ZZEF1: variants seen among roughly 807,000 people sequenced by gnomAD.
The protein encoded by ZZEF1 is zinc finger ZZ-type and EF-hand domain containing 1, also known as zinc finger ZZ-type and EF-hand domain-containing protein 1.
ZZEF1 carries 157 observed loss-of-function variants against 342.8 expected under a neutral mutation model. The observed-to-expected ratio is 0.46, with a 90% CI of 0.40 to 0.52. The LOEUF (loss-of-function observed/expected upper bound fraction) is 0.52, where lower values mean the gene tolerates loss of function less well. Ranked by LOEUF, ZZEF1 falls within the 20% of genes least tolerant of loss-of-function variation. ZZEF1 has a pLI of 0.00. For synonymous variants in ZZEF1, 1,505 were observed against 1,429.1 expected, an observed-to-expected ratio of 1.05 and a Z score of -1.20; for missense variants, 3,480 against 3,725.6, an observed-to-expected ratio of 0.93 and a Z score of 1.72.
At chr17:4,049,220 A>G (rs2056992329) in intron 37 of ZZEF1, among the ~76,000 whole-genome samples, 1 of 152,270 alleles carries the variant, frequency 6.6e-6, no homozygotes, top group East Asian at 1.9e-4. Context: ...TAGATGAGAA[A>G]ACTGAGGCAG....
intron 1 of ZZEF1, 26 bp from the exon 2 acceptor site, chr17:4,124,077 T>C: frequency 1.3e-6 from 2 of 1,585,412 alleles, no homozygotes; most frequent in Non-Finnish European, 1.7e-6. Flanking sequence ...TGCAAGAAAA[T>C]CAGGGCTGTT....
rs117428845 is a variant in ZZEF1 at position 4,118,680 on chromosome 17, G to C, written c.500-1514C>G. 4.2e-4 allele frequency among the ~76,000 whole-genome samples: 64 copies of C among 152,328 alleles called. No individual in the cohort carries two copies. In the East Asian group the frequency reaches 0.012, roughly 29 times the overall value. On this transcript the variant is annotated intron_variant, in intron 2 of 54. Transcript: ENST00000381638. ...GGAATGCACTGCCTCCAAAATCCAA[G>C]TTGGTCCACTAGGTGATGTACCTCT... is the stretch of plus-strand genomic sequence containing the variant.
At chr17:4,130,092 C>A (rs2058639605) in intron 1 of ZZEF1, among the ~76,000 whole-genome samples, 1 of 152,114 alleles carries the variant, frequency 6.6e-6, no homozygotes, top group Non-Finnish European at 1.5e-5. Flanking sequence ...GTACAACCAA[C>A]CCCCATGAGA....
At chr17:4,053,577 G>A (rs1223516115) in intron 34 of ZZEF1, among the ~76,000 whole-genome samples, 1 of 152,186 alleles carries the variant, frequency 6.6e-6, no homozygotes, top group Non-Finnish European at 1.5e-5. Flanking sequence ...CCTCCTGCTG[G>A]ACTGTAGATG....
chr17:4,082,426 G>T lies in ZZEF1; in HGVS notation c.2714+11C>A, dbSNP rs777351609. ...GAGTTATCCGACAATTAAAAAGAAC[G>T]ATCAGCTTACCTAAAATACGTGCAC... is the stretch of plus-strand genomic sequence containing the variant. On this transcript the variant is annotated intron_variant, in intron 17 of 54. Coordinates refer to ENST00000381638, the MANE Select transcript of ZZEF1 (RefSeq NM_015113.4). 6.7e-5 allele frequency: 108 copies of T among 1,613,494 alleles called. No homozygotes were observed. Among genetic ancestry groups the T allele is most frequent in the Non-Finnish European group, 9.0e-5 (106 of 1,179,536 alleles).
chr17:4,142,496 G>A lies in ZZEF1; in HGVS notation c.354+46C>T, dbSNP rs2058876472. 4 of 1,574,816 alleles carry A rather than the reference G, an allele frequency of 2.5e-6. No homozygotes were observed. The African/African-American group carries it at 4.1e-5, about 16-fold the overall frequency. On this transcript the variant is annotated intron_variant, in intron 1 of 54. Coordinates refer to ENST00000381638, the MANE Select transcript of ZZEF1 (RefSeq NM_015113.4). ...CCCACCTCTTCCTTCAGTCCCCTGG[G>A]GGCGACCGCCCTGCCCCATCCCCGC... is the stretch of plus-strand genomic sequence containing the variant.
At chr17:4,115,259 T>C (rs963728572) in intron 3 of ZZEF1, among the ~76,000 whole-genome samples, 1 of 152,186 alleles carries the variant, frequency 6.6e-6, no homozygotes, top group South Asian at 2.1e-4. Flanking sequence ...ACTCCTGGCT[T>C]CAAGCGATCT....
At chr17:4,013,322 A>C in intron 52 of ZZEF1, 127 bp downstream of exon 52, 1 of 968,514 alleles carries the variant, frequency 1.0e-6, no homozygotes, top group South Asian at 2.3e-5. Context: ...AAATGACTGA[A>C]AAACTGGAAG....
At chr17:4,051,118 T>C in intron 35 of ZZEF1, 75 bp from the exon 36 acceptor site, 1 of 1,606,646 alleles carries the variant, frequency 6.2e-7, no homozygotes, top group Non-Finnish European at 8.5e-7. Context: ...GCACAGGGCC[T>C]TAGGAGAGCA....
chr17:4,138,086 G>A (rs1353042478), intron 1 of ZZEF1, among the ~76,000 whole-genome samples: 1 of 152,188 alleles, frequency 6.6e-6, no homozygotes, highest in Non-Finnish European at 1.5e-5. Flanking sequence ...AGGTAAATTA[G>A]CTGAGAGAGT....
At chr17:4,082,133 G>T (rs12452393) in intron 17 of ZZEF1, among the ~76,000 whole-genome samples, 1 of 151,988 alleles carries the variant, frequency 6.6e-6, no homozygotes, top group South Asian at 2.1e-4. Flanking sequence ...AACGTGACAC[G>T]AATACAAGAC....
chr17:4,035,973 G>A (rs576203764), intron 39 of ZZEF1, among the ~76,000 whole-genome samples: 5 of 151,426 alleles, frequency 3.3e-5, no homozygotes, highest in South Asian at 4.2e-4. Context: ...AGTGGTTGGC[G>A]CCTGTAATTC....
intron 53 of ZZEF1, 21 bp downstream of exon 53, chr17:4,009,583 T>C: frequency 1.2e-6 from 2 of 1,610,506 alleles, no homozygotes; most frequent in Non-Finnish European, 1.7e-6. Flanking sequence ...CCGGGCTCCC[T>C]GCCCAGACCT....
intron 38 of ZZEF1, 111 bp downstream of exon 38, chr17:4,044,113 G>T: frequency 8.4e-7 from 1 of 1,188,622 alleles, no homozygotes; most frequent in Non-Finnish European, 1.2e-6. Context: ...GAGAAACCAC[G>T]CACCCCTGGC....
chr17:4,030,766 A>T (rs1490739743), intron 42 of ZZEF1, among the ~76,000 whole-genome samples: 2 of 152,244 alleles, frequency 1.3e-5, no homozygotes, highest in East Asian at 3.8e-4. Context: ...AACTGATAGA[A>T]ACTCTTTTAT....
intron 39 of ZZEF1, among the ~76,000 whole-genome samples, chr17:4,041,308 C>G (rs1240880819): frequency 6.6e-6 from 1 of 152,092 alleles, no homozygotes; most frequent in African/African-American, 2.4e-5. Context: ...AATGATTTTC[C>G]TGCCAGACGC....
intron 46 of ZZEF1, among the ~76,000 whole-genome samples, chr17:4,019,269 C>T (rs968909151): frequency 1.3e-5 from 2 of 151,990 alleles, no homozygotes; most frequent in African/African-American, 2.4e-5. Flanking sequence ...AAAAGTTGGG[C>T]CCAAAAACTA....
chr17:4,049,433 G>A (rs1162260960), intron 37 of ZZEF1, among the ~76,000 whole-genome samples: 1 of 152,148 alleles, frequency 6.6e-6, no homozygotes, highest in Non-Finnish European at 1.5e-5. Context: ...GATCACTTCA[G>A]CCTGGGGAGG....
chr17:4,032,251 C>A lies in ZZEF1; in HGVS notation c.6767G>T (p.Cys2256Phe), dbSNP rs1392870890. Reference sequence around the variant, plus strand: ...CATATAAACGCAGCGGGTTCCCACACAGAGGACCTAGAACGTGGTAGACAG... The same window carrying A: ...CATATAAACGCAGCGGGTTCCCACAAAGAGGACCTAGAACGTGGTAGACAG... The part of the protein sequence containing the change: ...LVLVGFPQVL[C>F]VGTRCVYMDN... Residue 2256 changes from cysteine to phenylalanine, a missense_variant, in exon 42 of 55, where the codon TGT (cysteine) becomes TTT (phenylalanine). Cys to Phe is a radical substitution (Grantham distance 205). Around this residue, in one of 5 missense-constraint regions of ZZEF1, gnomAD observed 1,269 missense variants for 1,342.4 expected, o/e 0.95. Transcript: ENST00000381638. 3.1e-6 allele frequency: 5 copies of A among 1,611,920 alleles called. No individual in the cohort carries two copies. The highest frequency in any genetic ancestry group is 4.2e-6 in the Non-Finnish European group (5 of 1,179,366).
Sources: gnomAD v4.1 joint callset for allele counts (sites outside exome capture counted in the v4.1 genomes callset) on GRCh38, gnomAD v4.1.1 for gene constraint, gnomAD v4.1.1 regional missense constraint, MANE v1.5 for transcripts, NCBI Gene and HGNC (gene_info 2026-07-23, HGNC 2026-07-21) for gene names.